The following XKR9 variants were observed in gnomAD, a reference collection of about 807,000 sequenced individuals.
XKR9 encodes the protein XK-related protein 9.
XKR9 carries 32 observed loss-of-function variants against 32.0 expected under a neutral mutation model. The ratio of observed to expected loss-of-function variants is 1.00; its 90% confidence interval spans 0.76 to 1.34. The LOEUF is 1.34. XKR9 is among the 40% of genes most tolerant of loss of function. The pLI, the probability that XKR9 is intolerant of heterozygous loss-of-function variation, is 0.00. For missense variants in XKR9, 546 were observed against 429.7 expected, an observed-to-expected ratio of 1.27 and a Z score of -2.39; for synonymous variants, 168 against 143.4, an observed-to-expected ratio of 1.17 and a Z score of -1.22.
At chr8:70,694,260 G>A (rs1805180922) in intron 3 of XKR9, among the ~76,000 whole-genome samples, 2 of 152,206 alleles carry the variant, frequency 1.3e-5, no homozygotes, top group African/African-American at 4.8e-5. Flanking sequence ...ACTTAAAACA[G>A]TCTGGCCACA....
chr8:70,669,833 AT>A (rs1230394005), intron 1 of XKR9, among the ~76,000 whole-genome samples: 90 of 151,148 alleles, frequency 6.0e-4, no homozygotes, highest in South Asian at 1.5e-3. Flanking sequence ...CGCCCGGCTA[AT>A]TTTTTGTATT....
At chr8:70,857,204 C>A in the XKR9 span, among the ~76,000 whole-genome samples, 4 of 151,990 alleles carry the variant, frequency 2.6e-5, no homozygotes, top group African/African-American at 9.6e-5. Flanking sequence ...TTGAAAAGAT[C>A]AACAAAATTG....
the XKR9 span, among the ~76,000 whole-genome samples, chr8:70,813,354 G>A: frequency 3.3e-5 from 5 of 152,130 alleles, no homozygotes; most frequent in African/African-American, 4.8e-5. Context: ...GAAAACCTAG[G>A]TATTACCATT....
intron 4 of XKR9, among the ~76,000 whole-genome samples, chr8:70,710,786 CTTAA>C (rs1236986662): frequency 2.0e-5 from 3 of 152,004 alleles, no homozygotes; most frequent in African/African-American, 2.4e-5. Flanking sequence ...ACAGGTGTGA[CTTAA>C]TTAAACTAAA....
At chr8:70,936,103 T>C in the XKR9 span, among the ~76,000 whole-genome samples, 3 of 152,016 alleles carry the variant, frequency 2.0e-5, no homozygotes, top group Non-Finnish European at 4.4e-5. Context: ...CTCTGGAGGC[T>C]TAGTCATAAA....
At chr8:71,016,356 G>A in the XKR9 span, among the ~76,000 whole-genome samples, 9 of 151,990 alleles carry the variant, frequency 5.9e-5, no homozygotes, top group African/African-American at 1.9e-4. Flanking sequence ...TTTAAGCCAC[G>A]CAATTAGGAG....
the XKR9 span, among the ~76,000 whole-genome samples, chr8:70,947,539 C>G: frequency 1.3e-5 from 2 of 152,232 alleles, no homozygotes; most frequent in African/African-American, 4.8e-5. Flanking sequence ...AATCCTTTAT[C>G]TCTTCATTCT....
At chr8:71,051,008 A>C in the XKR9 span, among the ~76,000 whole-genome samples, 1 of 152,056 alleles carries the variant, frequency 6.6e-6, no homozygotes, top group African/African-American at 2.4e-5. Context: ...ACCACTTAGA[A>C]TTTAACTGAA....
At chr8:71,004,998 C>CTTTTTTTTTTT in the XKR9 span, among the ~76,000 whole-genome samples, 2 of 48,228 alleles carry the variant, frequency 4.1e-5, no homozygotes, top group Non-Finnish European at 4.2e-5. Flanking sequence ...TTAATCTATG[C>CTTTTTTTTTTT]TTTTTTTTTT....
At chr8:70,931,556 C>T in the XKR9 span, among the ~76,000 whole-genome samples, 8 of 152,136 alleles carry the variant, frequency 5.3e-5, no homozygotes, top group Non-Finnish European at 1.2e-4. Context: ...CATGTGTTAG[C>T]CCATTCTTGT....
chr8:70,741,311 C>G (rs1202037685), intron 2 of XKR9, among the ~76,000 whole-genome samples: 2 of 152,238 alleles, frequency 1.3e-5, no homozygotes, highest in African/African-American at 4.8e-5. Context: ...CTTGCTGTCA[C>G]TATTTGATGC....
the XKR9 span, among the ~76,000 whole-genome samples, chr8:70,876,714 G>C: frequency 6.6e-6 from 1 of 152,066 alleles, no homozygotes; most frequent in African/African-American, 2.4e-5. Context: ...AAAACCAAAA[G>C]AGTAACACCT....
the XKR9 span, among the ~76,000 whole-genome samples, chr8:70,855,313 G>A: frequency 3.9e-5 from 6 of 152,094 alleles, no homozygotes; most frequent in Admixed American, 2.6e-4. Flanking sequence ...ACCACAGCAC[G>A]AGAACTACAT....
the XKR9 span, among the ~76,000 whole-genome samples, chr8:70,956,841 C>G: frequency 6.6e-6 from 1 of 152,186 alleles, no homozygotes. Context: ...CATGCACTTT[C>G]AAGCCTGCAG....
At chr8:70,685,466 A>G (rs1341787027) in intron 3 of XKR9, among the ~76,000 whole-genome samples, 1 of 145,890 alleles carries the variant, frequency 6.9e-6, no homozygotes, top group African/African-American at 2.5e-5. Context: ...TGCACATTGC[A>G]CACATGTACC....
the XKR9 span, among the ~76,000 whole-genome samples, chr8:71,005,527 T>A: frequency 1.9e-4 from 29 of 152,098 alleles, no homozygotes; most frequent in African/African-American, 6.0e-4. Context: ...TCCTGTCCAG[T>A]TTTCTTATCT....
the XKR9 span, among the ~76,000 whole-genome samples, chr8:70,944,164 G>T: frequency 1.0e-3 from 158 of 151,968 alleles, 1 homozygote; most frequent in African/African-American, 3.6e-3. Context: ...AATTGTTTTT[G>T]CTCTTAGAGA....
chr8:70,798,529 T>C, the XKR9 span, among the ~76,000 whole-genome samples: 1 of 152,240 alleles, frequency 6.6e-6, no homozygotes, highest in East Asian at 1.9e-4. Context: ...GCAATTTCTT[T>C]TGCTCTGCAG....
chr8:70,933,339 G>C, the XKR9 span, among the ~76,000 whole-genome samples: 1 of 152,064 alleles, frequency 6.6e-6, no homozygotes, highest in Non-Finnish European at 1.5e-5. Flanking sequence ...GAAACCCAAA[G>C]GAATAATGGG....
Sources: gnomAD v4.1 joint callset for allele counts (sites outside exome capture counted in the v4.1 genomes callset) on GRCh38, gnomAD v4.1.1 for gene constraint, MANE v1.5 for transcripts, NCBI Gene and HGNC (gene_info 2026-07-23, HGNC 2026-07-21) for gene names.